TSHZ2: variants seen among roughly 807,000 people sequenced by gnomAD.
The protein encoded by TSHZ2 is teashirt zinc finger homeobox 2, also known as teashirt homolog 2.
In TSHZ2, 21 loss-of-function variants were observed where a neutral mutation model predicts 74.4. The ratio of observed to expected loss-of-function variants is 0.28; its 90% CI spans 0.20 to 0.41. The LOEUF (loss-of-function observed/expected upper bound fraction) is 0.41, where lower values mean the gene tolerates loss of function less well. Ranked by LOEUF, TSHZ2 falls within the 10% of genes least tolerant of loss-of-function variation. The pLI is 1.00. For missense variants in TSHZ2, 1,244 were observed against 1,293.5 expected (o/e 0.96, Z 0.59); for synonymous variants, 540 against 515.3 (o/e 1.05, Z -0.65).
At chr20:53,281,037 A>G (rs1991051496) in intron 2 of TSHZ2, among the ~76,000 whole-genome samples, 1 of 152,204 alleles carries the variant, frequency 6.6e-6, no homozygotes, top group Non-Finnish European at 1.5e-5. Flanking sequence ...ATACTATGCC[A>G]GGCTTGTATC....
At chr20:53,124,817 A>C (rs1986903155) in intron 1 of TSHZ2, among the ~76,000 whole-genome samples, 1 of 152,208 alleles carries the variant, frequency 6.6e-6, no homozygotes, top group South Asian at 2.1e-4. Context: ...CCAGAAAGTG[A>C]CAGACACAGC....
chr20:53,358,645 G>A (rs941608976), intron 2 of TSHZ2, among the ~76,000 whole-genome samples: 4 of 151,952 alleles, frequency 2.6e-5, no homozygotes, highest in African/African-American at 7.2e-5. Flanking sequence ...GCACCCAGCC[G>A]TTCTTCATCT....
intron 1 of TSHZ2, among the ~76,000 whole-genome samples, chr20:53,144,238 T>G (rs2123423395): frequency 6.6e-6 from 1 of 152,336 alleles, no homozygotes; most frequent in Admixed American, 6.5e-5. Context: ...CCATAGTTTC[T>G]AACCTTGTGG....
intron 1 of TSHZ2, among the ~76,000 whole-genome samples, chr20:53,063,004 T>G (rs1247034254): frequency 6.6e-6 from 1 of 152,150 alleles, no homozygotes; most frequent in African/African-American, 2.4e-5. Flanking sequence ...AGGAAAGAGC[T>G]TCCCTATTTC....
At chr20:53,149,298 G>A (rs1420315291) in intron 1 of TSHZ2, among the ~76,000 whole-genome samples, 1 of 151,944 alleles carries the variant, frequency 6.6e-6, no homozygotes, top group Non-Finnish European at 1.5e-5. Context: ...TGGGGCTTGC[G>A]GAAGCTGTGG....
At chr20:53,039,349 A>G (rs537112755) in intron 1 of TSHZ2, among the ~76,000 whole-genome samples, 1 of 152,144 alleles carries the variant, frequency 6.6e-6, no homozygotes, top group Non-Finnish European at 1.5e-5. Context: ...GTCTACATGA[A>G]TATTTCTCAA....
chr20:53,433,887 G>T (rs552923633), intron 2 of TSHZ2, among the ~76,000 whole-genome samples: 21 of 152,072 alleles, frequency 1.4e-4, no homozygotes, highest in African/African-American at 4.8e-4. Flanking sequence ...GCATTTTTTT[G>T]AGATGGGATC....
chr20:53,394,735 A>G (rs1451915824), intron 2 of TSHZ2, among the ~76,000 whole-genome samples: 1 of 148,072 alleles, frequency 6.8e-6, no homozygotes, highest in African/African-American at 2.6e-5. Context: ...TTGCATTCAA[A>G]GCAAACATCA....
intron 2 of TSHZ2, among the ~76,000 whole-genome samples, chr20:53,436,548 A>ATTTT (rs11411794): frequency 4.0e-5 from 4 of 99,918 alleles, no homozygotes; most frequent in South Asian, 3.8e-4. Context: ...TATTATTATT[A>ATTTT]TTTTTTTTTT....
intron 1 of TSHZ2, among the ~76,000 whole-genome samples, chr20:53,157,241 T>G (rs1987816607): frequency 6.6e-6 from 1 of 151,004 alleles, no homozygotes; most frequent in South Asian, 2.1e-4. Context: ...TAGATCCTTA[T>G]GGGCGTAAAA....
intron 1 of TSHZ2, among the ~76,000 whole-genome samples, chr20:53,121,866 T>C (rs918394088): frequency 2.6e-5 from 4 of 152,032 alleles, no homozygotes; most frequent in Non-Finnish European, 5.9e-5. Flanking sequence ...CCCTCCTCTC[T>C]CCCTCCCAGC....
At chr20:53,403,392 A>G (rs1291940377) in intron 2 of TSHZ2, among the ~76,000 whole-genome samples, 1 of 152,198 alleles carries the variant, frequency 6.6e-6, no homozygotes, top group African/African-American at 2.4e-5. Context: ...CTTTACCTGA[A>G]GTTTCTCTCT....
intron 1 of TSHZ2, among the ~76,000 whole-genome samples, chr20:53,124,191 A>G (rs892925143): frequency 1.3e-5 from 2 of 152,138 alleles, no homozygotes; most frequent in Non-Finnish European, 2.9e-5. Context: ...TAATCCTGCT[A>G]TCTTTCCTGG....
chr20:53,391,146 T>G (rs554722375), intron 2 of TSHZ2, among the ~76,000 whole-genome samples: 17 of 150,090 alleles, frequency 1.1e-4, no homozygotes, highest in African/African-American at 3.3e-4. Flanking sequence ...TTTTGTTTTG[T>G]TTTGTTTTGG....
At chr20:53,343,134 T>C (rs1980286741) in intron 2 of TSHZ2, among the ~76,000 whole-genome samples, 1 of 151,558 alleles carries the variant, frequency 6.6e-6, no homozygotes, top group South Asian at 2.1e-4. Flanking sequence ...GCCCAGCTAA[T>C]TTTTGTATTT....
At chr20:53,050,156 CATATATATGTACAT>C (rs1984402855) in intron 1 of TSHZ2, among the ~76,000 whole-genome samples, 2 of 126,618 alleles carry the variant, frequency 1.6e-5, no homozygotes, top group African/African-American at 6.9e-5. Flanking sequence ...TATATATACA[CATATATATGTACAT>C]ATATACACAT....
At chr20:53,486,353 C>T (rs771962291) in intron 2 of TSHZ2, among the ~76,000 whole-genome samples, 4 of 152,034 alleles carry the variant, frequency 2.6e-5, no homozygotes, top group African/African-American at 4.8e-5. Flanking sequence ...GCTATGAACA[C>T]GGGTGTTCAA....
intron 2 of TSHZ2, among the ~76,000 whole-genome samples, chr20:53,462,366 T>C (rs1232787032): frequency 6.6e-6 from 1 of 152,254 alleles, no homozygotes; most frequent in Non-Finnish European, 1.5e-5. Flanking sequence ...AGATTCTGTG[T>C]CCAGGCAGTC....
intron 1 of TSHZ2, among the ~76,000 whole-genome samples, chr20:53,102,868 TTC>T (rs1026049354): frequency 2.0e-5 from 3 of 148,424 alleles, no homozygotes; most frequent in Non-Finnish European, 3.0e-5. Flanking sequence ...ACCAGCATCT[TTC>T]TTTTTTTTTT....
Sources: gnomAD v4.1 joint callset for allele counts (sites outside exome capture counted in the v4.1 genomes callset) on GRCh38, gnomAD v4.1.1 for gene constraint, MANE v1.5 for transcripts, NCBI Gene and HGNC (gene_info 2026-07-23, HGNC 2026-07-21) for gene names.